Variants in ANKRD18B observed in about 807,000 individuals in gnomAD.
ANKRD18B encodes the protein ankyrin repeat domain 18B.
A neutral mutation model predicts 111.8 loss-of-function variants in ANKRD18B; 75 were observed. The observed-to-expected ratio is 0.67, with a 90% CI of 0.56 to 0.81. ANKRD18B has a LOEUF of 0.81. ANKRD18B is among the 40% of genes least tolerant of loss of function. The pLI, the probability that ANKRD18B is intolerant of heterozygous loss-of-function variation, is 0.00. For synonymous variants in ANKRD18B, 356 were observed against 417.3 expected, an observed-to-expected ratio of 0.85 and a Z score of 1.79; for missense variants, 1,038 against 1,225.5, an observed-to-expected ratio of 0.85 and a Z score of 2.28.
chr9:33,568,862 C>A lies in ANKRD18B; in HGVS notation c.3146C>A (p.Thr1049Asn). ...AIRIPTSNPQ[T>N]SNNCKNSLTE... ...AGAATTCCTACTTCAAACCCACAGACTTCAAATAACTGCAAGAACTCCTTG... is the reference window on the plus strand; with the variant it reads ...AGAATTCCTACTTCAAACCCACAGAATTCAAATAACTGCAAGAACTCCTTG... The change falls in exon 17 of 19, where the codon ACT becomes AAT. Residue 1049 changes from threonine (T) to asparagine (N), a missense_variant. Thr to Asn is a moderately conservative substitution (Grantham distance 65). Coordinates refer to ENST00000684830, the MANE Select transcript of ANKRD18B (RefSeq NM_001393611.1). 4.5e-6 allele frequency: 7 copies of A among 1,550,944 alleles called. No individual in the cohort carries two copies. Among genetic ancestry groups the A allele is most frequent in the Non-Finnish European group, 6.1e-6 (7 of 1,146,634 alleles).
chr9:33,566,919 A>G, intron 15 of ANKRD18B, 184 bp from the exon 16 acceptor site: 1 of 602,872 alleles, frequency 1.7e-6, no homozygotes, highest in Non-Finnish European at 2.7e-6. Flanking sequence ...AATTTTTATA[A>G]ATCAGACAAT....
At position 33,572,534 on chromosome 9, in the gene ANKRD18B, A is replaced by T; in HGVS notation, c.*100A>T. 1 of 1,365,338 alleles carries T rather than the reference A, an allele frequency of 7.3e-7. No homozygotes were observed. The highest frequency in any genetic ancestry group is 1.5e-5 in the African/African-American group (1 of 68,076). 84.6% of individuals were successfully genotyped at this position (1,365,338 alleles called of 1,614,324 possible). ...ATCTTTACTAAAGTAGAATATTTTC[A>T]TATCATATGATGTATATTTATATGT... On this transcript the variant is annotated 3_prime_UTR_variant, in exon 19 of 19. Coordinates refer to ENST00000684830, the MANE Select transcript of ANKRD18B (RefSeq NM_001393611.1).
intron 13 of ANKRD18B, among the ~76,000 whole-genome samples, chr9:33,557,554 C>T (rs1828544878): frequency 6.6e-6 from 1 of 152,024 alleles, no homozygotes; most frequent in Admixed American, 6.6e-5. Flanking sequence ...TTTGGGAGGC[C>T]AAGGCAGGTA....
At chr9:33,557,218 C>T (rs1216482334) in intron 13 of ANKRD18B, among the ~76,000 whole-genome samples, 4 of 152,012 alleles carry the variant, frequency 2.6e-5, no homozygotes, top group Non-Finnish European at 5.9e-5. Context: ...TCTAAAACTG[C>T]CTGTTTTCTT....
chr9:33,554,483 T>C (rs981496894), intron 12 of ANKRD18B, among the ~76,000 whole-genome samples: 1 of 152,128 alleles, frequency 6.6e-6, no homozygotes, highest in Non-Finnish European at 1.5e-5. Context: ...CGTTTTGAGA[T>C]ATTAGGAGTT....
chr9:33,573,087 T>A (rs10971573), downstream of ANKRD18B: 198,971 of 982,446 alleles, frequency 0.2, 20,657 homozygotes, highest in Admixed American at 0.22. Flanking sequence ...TCTTTTTGAT[T>A]TGTCCCCATT....
At position 33,550,512 on chromosome 9, in the gene ANKRD18B, C is replaced by T; in HGVS notation, c.2150C>T (p.Ser717Leu). 6.5e-7 allele frequency: 1 copy of T among 1,547,436 alleles called. No homozygotes were observed. Among genetic ancestry groups the T allele is most frequent in the East Asian group, 2.5e-5 (1 of 40,774 alleles). The change falls in exon 12 of 19, where the codon TCA becomes TTA. Residue 717 changes from serine (S) to leucine (L), a missense_variant. Around this residue, in one of 4 missense-constraint regions of ANKRD18B, gnomAD observed 524 missense variants for 677.9 expected, o/e 0.77. Transcript: ENST00000684830. ...SMSESPLEGTSHCHINLDETW... is the reference protein window; with the variant it reads ...SMSESPLEGTLHCHINLDETW... ...TCAGAGTCTCCACTGGAAGGTACAT[C>T]ACATTGTCATATTAATTTGGATGAG...
Position 33,566,333 on chromosome 9 carries a change from T to C in ANKRD18B, c.2575T>C (p.Cys859Arg). Reference sequence around the variant, plus strand: ...ATCTATGGGAAAAGTACAAGAGAAATGTGAAAAACTTGAGAAGGATAAAAA... The same window carrying C: ...ATCTATGGGAAAAGTACAAGAGAAACGTGAAAAACTTGAGAAGGATAAAAA... ...LLSMGKVQEK[C>R]EKLEKDKKML... Residue 859 changes from cysteine (C) to arginine (R), a missense_variant, in exon 15 of 19, where the codon TGT (cysteine) becomes CGT (arginine). By Grantham distance (180) the Cys-to-Arg change is radical. Coordinates refer to ENST00000684830, the MANE Select transcript of ANKRD18B (RefSeq NM_001393611.1). 6.4e-7 allele frequency: 1 copy of C among 1,565,560 alleles called. No individual in the cohort carries two copies. Among genetic ancestry groups the C allele is most frequent in the East Asian group, 2.4e-5 (1 of 42,086 alleles).
At chr9:33,554,178 GGAAAAAGAAAGAAAGAAAGAAA>G (rs1397219289) in intron 12 of ANKRD18B, among the ~76,000 whole-genome samples, 2 of 133,536 alleles carry the variant, frequency 1.5e-5, no homozygotes, top group Non-Finnish European at 3.3e-5. Context: ...AAAGAAAGAA[GGAAAAAGAAAGAAAGAAAGAAA>G]GAAAAAGAAA....
At chr9:33,550,835 C>T (rs1243401599) in intron 12 of ANKRD18B, among the ~76,000 whole-genome samples, 1 of 152,180 alleles carries the variant, frequency 6.6e-6, no homozygotes, top group Non-Finnish European at 1.5e-5. Flanking sequence ...CATCATTCCT[C>T]ACAGAAAATT....
chr9:33,538,258 G>C (rs981249498), intron 6 of ANKRD18B, among the ~76,000 whole-genome samples: 5 of 152,164 alleles, frequency 3.3e-5, no homozygotes, highest in African/African-American at 1.2e-4. Context: ...GAATGCAGAA[G>C]ACAGAAAAGT....
chr9:33,548,106 T>C lies in ANKRD18B; in HGVS notation c.1318T>C (p.Phe440Leu). ...IKSITEINAN[F>L]EKSVRLNEEM... Reference sequence around the variant, plus strand: ...AAGTATTACAGAAATAAATGCTAACTTTGAAAAGAGTGTAAGACTCAATGA... The same window carrying C: ...AAGTATTACAGAAATAAATGCTAACCTTGAAAAGAGTGTAAGACTCAATGA... The change falls in exon 11 of 19, where the codon TTT (phenylalanine) becomes CTT (leucine). Residue 440 changes from phenylalanine to leucine, a missense_variant. This residue lies in a region of ANKRD18B where 205 missense variants were observed against 201.3 expected (regional missense o/e 1.02). Transcript: ENST00000684830. The C allele has an allele frequency of 6.5e-7, 1 of 1,533,916 alleles. No homozygotes were observed. Among genetic ancestry groups the C allele is most frequent in the East Asian group, 2.4e-5 (1 of 40,834 alleles).
intron 10 of ANKRD18B, among the ~76,000 whole-genome samples, chr9:33,547,342 A>G (rs1326922896): frequency 6.6e-6 from 1 of 152,170 alleles, no homozygotes; most frequent in Non-Finnish European, 1.5e-5. Flanking sequence ...AAATAAGTTC[A>G]TCAATATATG....
Position 33,572,826 on chromosome 9 carries a change from T to G in ANKRD18B, c.*392T>G, listed in dbSNP as rs148356325. On this transcript the variant is annotated 3_prime_UTR_variant, in exon 19 of 19. Transcript: ENST00000684830. ...CTTTTTGTAGTTCAATAGTATTTTG[T>G]GTGGAGATACTTTGAAGCTCTGTAA... 0.064 allele frequency: 51,629 copies of G among 806,382 alleles called. 1,787 individuals are homozygous for G. The highest frequency in any genetic ancestry group is 0.12 in the Middle Eastern group (184 of 1,582). 50.0% of individuals were successfully genotyped at this position (806,382 alleles called of 1,614,324 possible). A position where few individuals can be genotyped will look rare whatever the true frequency, so the allele number is the denominator to read the frequency against.
chr9:33,560,199 G>C (rs940227301), intron 14 of ANKRD18B, among the ~76,000 whole-genome samples: 9 of 152,218 alleles, frequency 5.9e-5, no homozygotes, highest in Non-Finnish European at 1.3e-4. Context: ...CCATTGAAGG[G>C]TGAGAAGGAC....
intron 18 of ANKRD18B, chr9:33,572,018 A>G (rs1250438221): frequency 4.7e-5 from 17 of 357,944 alleles, no homozygotes; most frequent in African/African-American, 1.5e-4. Flanking sequence ...GTTATAGCAT[A>G]TGACTATTGG....
Position 33,547,958 on chromosome 9 carries a change from AAAG to A in ANKRD18B, c.1174_1176del (p.Lys392del), listed in dbSNP as rs557943704. ...TTTAGGATTCTCAAAGTTATGGAAA[AAAG>A]AAGGATGAGATGTTTGGAAATTTTA... On this transcript the variant is annotated inframe_deletion, in exon 11 of 19. Transcript: ENST00000684830. 2,191 of 1,436,342 alleles carry A rather than the reference AAAG, an allele frequency of 1.5e-3. 16 individuals carry two copies. Among genetic ancestry groups the A allele is most frequent in the South Asian group, 9.2e-3 (575 of 62,418 alleles). 89.0% of individuals were successfully genotyped at this position (1,436,342 alleles called of 1,614,324 possible).
Position 33,568,772 on chromosome 9 carries a change from T to TA in ANKRD18B, c.3057dup (p.Pro1020ThrfsTer4), listed in dbSNP as rs1295640486. ...CTTCCTATGAGGCCAGACCCAGAGT[T>TA]ACCTTGTGTTGAAAATCTTAATAGT... On this transcript the variant is annotated frameshift_variant, in exon 17 of 19. Coordinates refer to ENST00000684830, the MANE Select transcript of ANKRD18B (RefSeq NM_001393611.1). LOFTEE classifies it high-confidence loss of function. 8 of 1,551,326 alleles carry TA rather than the reference T, an allele frequency of 5.2e-6. No homozygotes were observed.
rs1266004569 is a variant in ANKRD18B, at chr9:33,539,540, A to C, written c.862+38A>C. 5.8e-5 allele frequency: 9 copies of C among 154,566 alleles called. No homozygotes were observed. The Admixed American group carries it at 5.9e-4, about 10-fold the overall frequency. 9.6% of individuals were successfully genotyped at this position (154,566 alleles called of 1,614,324 possible). A position where few individuals can be genotyped will look rare whatever the true frequency, so the allele number is the denominator to read the frequency against. On this transcript the variant is annotated intron_variant, in intron 7 of 18. Transcript: ENST00000684830. ...AGTGAACTTTGTAGAGTTTATGAGC[A>C]GTTCAAATTTACTAGTGCAAAAAAA...
Sources: gnomAD v4.1 joint callset for allele counts (sites outside exome capture counted in the v4.1 genomes callset) on GRCh38, gnomAD v4.1.1 for gene constraint, gnomAD v4.1.1 regional missense constraint, MANE v1.5 for transcripts, NCBI Gene and HGNC (gene_info 2026-07-23, HGNC 2026-07-21) for gene names.